The following DUSP22 variants were observed in gnomAD, a reference collection of about 807,000 sequenced individuals.
DUSP22 encodes dual specificity protein phosphatase 22.
Under a neutral mutation model 24.5 loss-of-function variants are expected in DUSP22, and 24 were observed. The ratio of observed to expected loss-of-function variants is 0.98; its 90% CI spans 0.71 to 1.38. DUSP22 has a LOEUF of 1.38. Among genes scored for constraint, DUSP22 ranks in the 40% most tolerant of loss-of-function variants. The pLI is 0.00. For missense variants in DUSP22, 330 were observed against 269.2 expected (o/e 1.23, Z -1.58); for synonymous variants, 160 against 106.4 (o/e 1.50, Z -3.10).
chr6:293,290 AG>A, intron 1 of DUSP22, among the ~76,000 whole-genome samples: 1 of 152,292 alleles, frequency 6.6e-6, no homozygotes, highest in Non-Finnish European at 1.5e-5. Flanking sequence ...TTTCCCGTCC[AG>A]GGAAGTTGCC....
chr6:348,000 C>T (rs1759962675), intron 5 of DUSP22, 103 bp from the exon 6 acceptor site: 4 of 1,524,424 alleles, frequency 2.6e-6, no homozygotes, highest in Non-Finnish European at 3.6e-6. Context: ...GGCAGGAAGA[C>T]TTTCTGAACA....
Position 303,820 on chromosome 6 carries a change from C to G in DUSP22, c.22-808C>G, listed in dbSNP as rs540897731. On this transcript the variant is annotated intron_variant, in intron 1 of 6. Coordinates refer to ENST00000419235, the MANE Select transcript of DUSP22 (RefSeq NM_001286555.3). ...AGAAGCCACCCCAATTTCTCATTGCCGACCTGCTAAATCATTCCATGCGGG... is the reference window on the plus strand; with the variant it reads ...AGAAGCCACCCCAATTTCTCATTGCGGACCTGCTAAATCATTCCATGCGGG... 6.8e-4 allele frequency among the ~76,000 whole-genome samples: 104 copies of G among 152,368 alleles called. No individual in the cohort carries two copies. In the South Asian group the frequency reaches 0.021, roughly 31 times the overall value.
intron 3 of DUSP22, among the ~76,000 whole-genome samples, chr6:315,880 T>C (rs1365801365): frequency 6.6e-6 from 1 of 152,306 alleles, no homozygotes; most frequent in Non-Finnish European, 1.5e-5. Flanking sequence ...ATGCACAAGA[T>C]ACGCGTTGTA....
At chr6:311,497 G>C (rs941897256) in intron 2 of DUSP22, among the ~76,000 whole-genome samples, 1 of 152,294 alleles carries the variant, frequency 6.6e-6, no homozygotes, top group African/African-American at 2.4e-5. Flanking sequence ...TGGCTAACAC[G>C]GTGAAACCCC....
intron 3 of DUSP22, among the ~76,000 whole-genome samples, chr6:320,609 G>T (rs546990998): frequency 1.3e-5 from 2 of 152,308 alleles, no homozygotes; most frequent in East Asian, 3.8e-4. Context: ...GCCAGTCCAC[G>T]CAAGGGCTGC....
chr6:314,223 G>A (rs984376048), intron 3 of DUSP22, among the ~76,000 whole-genome samples: 5 of 152,300 alleles, frequency 3.3e-5, no homozygotes, highest in Non-Finnish European at 7.3e-5. Context: ...AATGGTGGGA[G>A]AGGAGAGAGC....
At chr6:339,457 A>G (rs1759501618) in intron 4 of DUSP22, among the ~76,000 whole-genome samples, 1 of 152,428 alleles carries the variant, frequency 6.6e-6, no homozygotes, top group Non-Finnish European at 1.5e-5. Context: ...GAATGGTTAG[A>G]TGCATATTAA....
rs542058044 is a variant in DUSP22, at chr6:303,006, T to C, written c.22-1622T>C. On this transcript the variant is annotated intron_variant, in intron 1 of 6. Transcript: ENST00000419235. ...ACTCGGTCGGGCAAGGACCAGGCCT[T>C]GTTGAGAAAAGGACTCAGAGGAACC... 7.2e-5 allele frequency among the ~76,000 whole-genome samples: 11 copies of C among 152,404 alleles called. No homozygotes were observed. The South Asian group carries it at 2.3e-3, about 32-fold the overall frequency.
chr6:310,969 A>T (rs1171506846), intron 2 of DUSP22, among the ~76,000 whole-genome samples: 1 of 152,302 alleles, frequency 6.6e-6, no homozygotes, highest in Non-Finnish European at 1.5e-5. Flanking sequence ...CAGAGGGTTT[A>T]TTTGGGCCAA....
chr6:293,930 T>A (rs1757209210), intron 1 of DUSP22, among the ~76,000 whole-genome samples: 1 of 152,202 alleles, frequency 6.6e-6, no homozygotes, highest in Admixed American at 6.6e-5. Flanking sequence ...CTTTTTAAAT[T>A]AAAACAGAAC....
At chr6:293,735 T>C (rs1757199303) in intron 1 of DUSP22, among the ~76,000 whole-genome samples, 1 of 152,278 alleles carries the variant, frequency 6.6e-6, no homozygotes, top group South Asian at 2.1e-4. Context: ...GTGAAAGAAC[T>C]ATTGTGTGTT....
chr6:336,234 A>G (rs1431945046), intron 4 of DUSP22, among the ~76,000 whole-genome samples: 1 of 152,308 alleles, frequency 6.6e-6, no homozygotes, highest in Non-Finnish European at 1.5e-5. Flanking sequence ...CCAGTGCTAT[A>G]TGCCACAGGT....
chr6:296,045 G>C (rs1300149390), intron 1 of DUSP22, among the ~76,000 whole-genome samples: 1 of 129,380 alleles, frequency 7.7e-6, no homozygotes, highest in African/African-American at 2.5e-5. Flanking sequence ...TTCATCCCAA[G>C]TAAGTTTTAA....
chr6:329,590 T>C (rs1289850061), intron 3 of DUSP22, among the ~76,000 whole-genome samples: 3 of 152,294 alleles, frequency 2.0e-5, no homozygotes, highest in African/African-American at 7.2e-5. Flanking sequence ...GTAGCTGGGA[T>C]TACAAGTGCA....
chr6:303,209 G>A (rs1045113652), intron 1 of DUSP22, among the ~76,000 whole-genome samples: 5 of 152,302 alleles, frequency 3.3e-5, no homozygotes, highest in Admixed American at 6.5e-5. Flanking sequence ...ACATCAGTGG[G>A]ATCCACATCC....
chr6:303,630 C>T (rs1190305056), intron 1 of DUSP22, among the ~76,000 whole-genome samples: 5 of 152,304 alleles, frequency 3.3e-5, no homozygotes, highest in South Asian at 2.1e-4. Context: ...TGTGGTGAAG[C>T]GTCACCAAGA....
intron 3 of DUSP22, among the ~76,000 whole-genome samples, chr6:330,929 A>G (rs1267757176): frequency 6.6e-6 from 1 of 152,302 alleles, no homozygotes; most frequent in East Asian, 1.9e-4. Flanking sequence ...GGCGTTAGTA[A>G]TATACGGTGT....
chr6:342,626 T>C (rs1410735492), intron 4 of DUSP22, among the ~76,000 whole-genome samples: 3 of 152,306 alleles, frequency 2.0e-5, no homozygotes, highest in African/African-American at 7.2e-5. Flanking sequence ...TGGCCATGAG[T>C]GGCAGAATAC....
intron 2 of DUSP22, among the ~76,000 whole-genome samples, chr6:307,059 G>A (rs1303937540): frequency 2.0e-5 from 3 of 152,310 alleles, no homozygotes; most frequent in African/African-American, 7.2e-5. Context: ...GGTGGCATTG[G>A]CTGGCAAGGG....
Sources: allele counts gnomAD v4.1 joint callset (sites outside exome capture counted in the v4.1 genomes callset), GRCh38; gene constraint gnomAD v4.1.1; transcripts MANE v1.5; gene names NCBI Gene and HGNC (gene_info 2026-07-23, HGNC 2026-07-21).